The following NXPH1 variants were observed in gnomAD, a reference collection of about 807,000 sequenced individuals.
NXPH1 encodes neurexophilin-1.
NXPH1 carries 5 observed loss-of-function variants against 23.7 expected under a neutral mutation model. The ratio of observed to expected loss-of-function variants is 0.21; its 90% CI spans 0.11 to 0.44. The LOEUF is 0.44. Among genes scored for constraint, NXPH1 ranks in the 20% least tolerant of loss-of-function variants. The probability of loss-of-function intolerance (pLI) is 0.99; values close to 1 mark genes in which losing one functional copy is unlikely to be tolerated. For missense variants in NXPH1, 324 were observed against 321.6 expected (o/e 1.01, Z -0.06); for synonymous variants, 144 against 122.2 (o/e 1.18, Z -1.18).
At chr7:8,587,845 A>G (rs543396120) in intron 2 of NXPH1, among the ~76,000 whole-genome samples, 55 of 152,256 alleles carry the variant, frequency 3.6e-4, no homozygotes, top group African/African-American at 1.3e-3. Flanking sequence ...GTGGTATTCC[A>G]TGGTGTATAT....
chr7:8,593,611 G>A (rs1365071133), intron 2 of NXPH1, among the ~76,000 whole-genome samples: 1 of 151,990 alleles, frequency 6.6e-6, no homozygotes, highest in East Asian at 1.9e-4. Flanking sequence ...TAAATAAAAT[G>A]AGTAAATAAA....
At chr7:8,585,695 A>C (rs1818965049) in intron 2 of NXPH1, among the ~76,000 whole-genome samples, 1 of 152,208 alleles carries the variant, frequency 6.6e-6, no homozygotes, top group Non-Finnish European at 1.5e-5. Flanking sequence ...TGTGTATTAA[A>C]ATAAAAAAGA....
chr7:8,583,655 T>C (rs1818925627), intron 2 of NXPH1, among the ~76,000 whole-genome samples: 1 of 152,140 alleles, frequency 6.6e-6, no homozygotes, highest in African/African-American at 2.4e-5. Flanking sequence ...CATACTCTGC[T>C]TTTCTGGTAG....
chr7:8,464,336 AAAC>A (rs1816743197), intron 2 of NXPH1, among the ~76,000 whole-genome samples: 1 of 152,216 alleles, frequency 6.6e-6, no homozygotes, highest in Non-Finnish European at 1.5e-5. Context: ...TTCTTTATGA[AAAC>A]AAAGATGCTA....
intron 2 of NXPH1, among the ~76,000 whole-genome samples, chr7:8,485,992 T>G (rs1045595315): frequency 1.3e-5 from 2 of 152,164 alleles, no homozygotes; most frequent in Admixed American, 6.6e-5. Flanking sequence ...GGTGTTCCCT[T>G]TCCAGCCTGA....
intron 2 of NXPH1, among the ~76,000 whole-genome samples, chr7:8,738,659 A>G (rs1282921840): frequency 6.6e-6 from 1 of 152,198 alleles, no homozygotes; most frequent in Non-Finnish European, 1.5e-5. Context: ...CTATGCTGGG[A>G]GATCTGCTGC....
chr7:8,572,883 T>C (rs1371267487), intron 2 of NXPH1, among the ~76,000 whole-genome samples: 3 of 151,988 alleles, frequency 2.0e-5, no homozygotes, highest in Admixed American at 2.0e-4. Flanking sequence ...GAGAAGGTCT[T>C]ACAGAGGGCA....
chr7:8,748,844 A>G (rs1437433932), intron 2 of NXPH1, among the ~76,000 whole-genome samples: 2 of 152,186 alleles, frequency 1.3e-5, no homozygotes, highest in Non-Finnish European at 2.9e-5. Context: ...AGGGTTTTTA[A>G]GCTCAGCATT....
intron 2 of NXPH1, among the ~76,000 whole-genome samples, chr7:8,610,989 C>T (rs1026601392): frequency 6.6e-6 from 1 of 152,128 alleles, no homozygotes; most frequent in African/African-American, 2.4e-5. Context: ...CACAATAGCA[C>T]TGGGTCTGGA....
At chr7:8,611,292 C>G (rs912439764) in intron 2 of NXPH1, among the ~76,000 whole-genome samples, 1 of 152,102 alleles carries the variant, frequency 6.6e-6, no homozygotes, top group Admixed American at 6.6e-5. Flanking sequence ...TTCTCTCAAT[C>G]GGCTGGCCCT....
Position 8,435,672 on chromosome 7 carries a change from A to C in NXPH1, c.-42A>C, listed in dbSNP as rs1816181097. ...GATCTATGTTTCTGAAGGAACAAAG[A>C]CTCAAAGAAGGCACCGCCAAGGAAG... On this transcript the variant is annotated 5_prime_UTR_variant, in exon 2 of 3. Transcript: ENST00000405863. This position sits in a 1 kb window ranked among gnomAD's most constrained non-coding sequence, Gnocchi z 5.9. 6.3e-7 allele frequency: 1 copy of C among 1,592,508 alleles called. No individual in the cohort carries two copies. The highest frequency in any genetic ancestry group is 1.3e-5 in the African/African-American group (1 of 74,444).
intron 2 of NXPH1, among the ~76,000 whole-genome samples, chr7:8,445,720 T>C (rs925334937): frequency 1.3e-5 from 2 of 152,270 alleles, no homozygotes; most frequent in South Asian, 2.1e-4. Flanking sequence ...TTTCTATGTA[T>C]TCACCTCTTT....
chr7:8,615,617 C>T (rs1219872671), intron 2 of NXPH1, among the ~76,000 whole-genome samples: 1 of 151,994 alleles, frequency 6.6e-6, no homozygotes, highest in African/African-American at 2.4e-5. Flanking sequence ...ACTATTATGT[C>T]AATATTTTCC....
chr7:8,553,903 GT>G (rs1476460718), intron 2 of NXPH1, among the ~76,000 whole-genome samples: 20 of 151,618 alleles, frequency 1.3e-4, no homozygotes, highest in Admixed American at 1.3e-3. Context: ...GAGATTTCCT[GT>G]GGCATTGGAA....
chr7:8,672,019 G>A (rs1820876062), intron 2 of NXPH1, among the ~76,000 whole-genome samples: 1 of 152,070 alleles, frequency 6.6e-6, no homozygotes, highest in Non-Finnish European at 1.5e-5. Flanking sequence ...AGATGAGTAT[G>A]TTGCAAAAAT....
intron 2 of NXPH1, among the ~76,000 whole-genome samples, chr7:8,466,441 T>G (rs1282742083): frequency 2.0e-5 from 3 of 152,172 alleles, no homozygotes; most frequent in Admixed American, 2.0e-4. Context: ...GGCTGCTCTT[T>G]GCAATTTTAA....
chr7:8,676,636 G>A (rs1184658093), intron 2 of NXPH1, among the ~76,000 whole-genome samples: 2 of 152,158 alleles, frequency 1.3e-5, no homozygotes, highest in Non-Finnish European at 2.9e-5. Flanking sequence ...ATTCCAAGAT[G>A]TGCTTATTTA....
intron 2 of NXPH1, among the ~76,000 whole-genome samples, chr7:8,685,025 TG>T (rs1742932982): frequency 6.6e-6 from 1 of 152,118 alleles, no homozygotes; most frequent in Non-Finnish European, 1.5e-5. Context: ...AAGGGAACTT[TG>T]TTCTTCATCC....
chr7:8,628,308 A>G (rs1281912158), intron 2 of NXPH1, among the ~76,000 whole-genome samples: 2 of 151,918 alleles, frequency 1.3e-5, no homozygotes, highest in Non-Finnish European at 2.9e-5. Flanking sequence ...GAAATTCTAC[A>G]CAGTAATTGA....
Sources: allele counts gnomAD v4.1 joint callset (sites outside exome capture counted in the v4.1 genomes callset), GRCh38; gene constraint gnomAD v4.1.1; non-coding constraint Gnocchi (gnomAD v3.1); transcripts MANE v1.5; gene names NCBI Gene and HGNC (gene_info 2026-07-23, HGNC 2026-07-21).